Variants in LANCL2 observed in about 807,000 individuals in gnomAD.
The protein encoded by LANCL2 is LanC like glutathione S-transferase 2.
In LANCL2, 33 loss-of-function variants were observed where a neutral mutation model predicts 56.9. That is an observed-to-expected ratio of 0.58 (90% CI 0.44 to 0.78). LANCL2 has a LOEUF of 0.78. Among genes scored for constraint, LANCL2 ranks in the 30% least tolerant of loss-of-function variants. LANCL2 has a pLI of 0.00. For synonymous variants in LANCL2, 233 were observed against 228.2 expected, an observed-to-expected ratio of 1.02 and a Z score of -0.19; for missense variants, 562 against 580.2, an observed-to-expected ratio of 0.97 and a Z score of 0.32.
intron 5 of LANCL2, among the ~76,000 whole-genome samples, chr7:55,402,231 G>A (rs1384505725): frequency 4.8e-4 from 68 of 140,868 alleles, no homozygotes; most frequent in Admixed American, 1.3e-3. Context: ...CGGACGGGGC[G>A]GCTGGCCGGG....
intron 6 of LANCL2, among the ~76,000 whole-genome samples, chr7:55,414,834 A>G (rs1790508298): frequency 1.3e-5 from 2 of 151,822 alleles, no homozygotes; most frequent in Non-Finnish European, 2.9e-5. Flanking sequence ...AAATACAAAA[A>G]TTATCTGGGT....
At chr7:55,375,831 G>A (rs2128991251) in intron 1 of LANCL2, among the ~76,000 whole-genome samples, 1 of 152,298 alleles carries the variant, frequency 6.6e-6, no homozygotes, top group South Asian at 2.1e-4. Context: ...GGCTGCTGGA[G>A]TGTTCCCCAC....
chr7:55,368,812 A>G (rs2128990630), intron 1 of LANCL2, among the ~76,000 whole-genome samples: 1 of 152,272 alleles, frequency 6.6e-6, no homozygotes, highest in African/African-American at 2.4e-5. Context: ...ATACTGGAAT[A>G]TGATGGGCCC....
chr7:55,396,471 A>G (rs527355754), intron 2 of LANCL2, among the ~76,000 whole-genome samples: 1 of 152,304 alleles, frequency 6.6e-6, no homozygotes, highest in East Asian at 1.9e-4. Context: ...AGCATTGGGG[A>G]AGGGAGATGA....
intron 8 of LANCL2, among the ~76,000 whole-genome samples, chr7:55,429,433 G>A (rs772991051): frequency 3.9e-5 from 6 of 152,200 alleles, no homozygotes; most frequent in Non-Finnish European, 7.3e-5. Flanking sequence ...GGTTAATTAC[G>A]TACATGTGGT....
Position 55,412,085 on chromosome 7 carries a change from A to T in LANCL2, c.1004A>T (p.Tyr335Phe), listed in dbSNP as rs1790477574. The change falls in exon 6 of 9, where the codon TAC (tyrosine) becomes TTC (phenylalanine). Residue 335 changes from tyrosine (Y) to phenylalanine (F), a missense_variant. Physicochemically the swap from Tyr to Phe is conservative, Grantham distance 22. This residue lies in a region of LANCL2 where 378 missense variants were observed against 468.4 expected (regional missense o/e 0.81). Coordinates refer to ENST00000254770, the MANE Select transcript of LANCL2 (RefSeq NM_018697.4). ...PGVIHMLMQA[Y>F]KVFKEEKYLK... Reference sequence around the variant, plus strand: ...GTCATCCACATGCTCATGCAGGCGTACAAGGTCAGTGCTTCCGCCGTCACG... The same window carrying T: ...GTCATCCACATGCTCATGCAGGCGTTCAAGGTCAGTGCTTCCGCCGTCACG... 1 of 1,612,844 alleles carries T rather than the reference A, an allele frequency of 6.2e-7. No homozygotes were observed.
chr7:55,401,545 A>ATT (rs1562863981), intron 5 of LANCL2, among the ~76,000 whole-genome samples: 71 of 31,838 alleles, frequency 2.2e-3, no homozygotes, highest in East Asian at 0.013. Flanking sequence ...TTTTTTTCCA[A>ATT]TTTTCTTTTT....
intron 6 of LANCL2, among the ~76,000 whole-genome samples, chr7:55,421,339 CTTT>C (rs11416515): frequency 4.8e-5 from 5 of 104,648 alleles, no homozygotes; most frequent in Non-Finnish European, 7.2e-5. Flanking sequence ...TCTGTTGACT[CTTT>C]TTTTTTTTTT....
intron 7 of LANCL2, 127 bp downstream of exon 7, chr7:55,425,557 C>T: frequency 1.2e-6 from 1 of 833,644 alleles, no homozygotes; most frequent in Admixed American, 2.7e-5. Context: ...TCCTCTTTTT[C>T]TTCTGGCACA....
At chr7:55,366,527 C>T (rs1159504111) in intron 1 of LANCL2, among the ~76,000 whole-genome samples, 2 of 152,208 alleles carry the variant, frequency 1.3e-5, no homozygotes, top group Non-Finnish European at 2.9e-5. Flanking sequence ...GGCTTGTGCA[C>T]TCGTGAGGCC....
chr7:55,405,321 T>C (rs1790392725), intron 5 of LANCL2, among the ~76,000 whole-genome samples: 2 of 152,152 alleles, frequency 1.3e-5, no homozygotes, highest in South Asian at 4.1e-4. Context: ...GTGCACCCAC[T>C]TTGGGGAGGG....
intron 6 of LANCL2, among the ~76,000 whole-genome samples, chr7:55,414,509 A>G (rs559365271): frequency 2.0e-5 from 3 of 152,224 alleles, no homozygotes; most frequent in Non-Finnish European, 4.4e-5. Flanking sequence ...TTGAAAAAAT[A>G]TTATTAATTA....
rs2128995241 is a variant in LANCL2, at chr7:55,411,969, G to A, written c.888G>A (p.Val296=). 3.1e-6 allele frequency: 5 copies of A among 1,614,180 alleles called. No individual in the cohort carries two copies. The highest frequency in any genetic ancestry group is 4.2e-6 in the Non-Finnish European group (5 of 1,180,028). Residue 296 remains valine, a synonymous_variant, in exon 6 of 9, where the codon GTG becomes GTA. Coordinates refer to ENST00000254770, the MANE Select transcript of LANCL2 (RefSeq NM_018697.4). ...TGGTGAAACCCAGTATTGATTATGTGCGCCACAAAAAATTCCGATCTGGGA... is the reference window on the plus strand; with the variant it reads ...TGGTGAAACCCAGTATTGATTATGTACGCCACAAAAAATTCCGATCTGGGA... The part of the protein sequence containing the change: ...TEMVKPSIDY[V]RHKKFRSGNY...
At chr7:55,384,509 G>A (rs1271378537) in intron 1 of LANCL2, among the ~76,000 whole-genome samples, 4 of 152,062 alleles carry the variant, frequency 2.6e-5, no homozygotes, top group South Asian at 2.1e-4. Flanking sequence ...TCAAGATCAC[G>A]CCACTGCACT....
chr7:55,399,882 G>T, intron 3 of LANCL2, 75 bp from the exon 4 acceptor site: 3 of 1,158,050 alleles, frequency 2.6e-6, no homozygotes, highest in Non-Finnish European at 3.6e-6. Flanking sequence ...AATTCCTAAA[G>T]CAACAGGGTT....
At chr7:55,379,741 T>C (rs545655580) in intron 1 of LANCL2, 4 of 152,778 alleles carry the variant, frequency 2.6e-5, no homozygotes, top group Admixed American at 6.5e-5. Flanking sequence ...CAGTTACTCT[T>C]TTTGGTGCAT....
chr7:55,427,729 C>G (rs1457782051), intron 7 of LANCL2, among the ~76,000 whole-genome samples: 1 of 152,182 alleles, frequency 6.6e-6, no homozygotes, highest in African/African-American at 2.4e-5. Flanking sequence ...ACTTATGATT[C>G]TTAGTGTACA....
chr7:55,427,548 C>T (rs1583768456), intron 7 of LANCL2, among the ~76,000 whole-genome samples: 1 of 152,142 alleles, frequency 6.6e-6, no homozygotes, highest in Admixed American at 6.5e-5. Context: ...GAATTTAACG[C>T]ATGTTTTTAA....
chr7:55,430,179 T>A (rs1009270083), intron 8 of LANCL2, among the ~76,000 whole-genome samples: 1 of 152,230 alleles, frequency 6.6e-6, no homozygotes, highest in African/African-American at 2.4e-5. Context: ...TCTAATTTTT[T>A]AAACAAGTTT....
Sources: gnomAD v4.1 joint callset for allele counts (sites outside exome capture counted in the v4.1 genomes callset) on GRCh38, gnomAD v4.1.1 for gene constraint, gnomAD v4.1.1 regional missense constraint, MANE v1.5 for transcripts, NCBI Gene and HGNC (gene_info 2026-07-23, HGNC 2026-07-21) for gene names.